Variants in NRXN3 observed in about 807,000 individuals in gnomAD.
The protein encoded by NRXN3 is neurexin III.
NRXN3 carries 32 observed loss-of-function variants against 137.6 expected under a neutral mutation model. The observed-to-expected ratio is 0.23, with a 90% CI of 0.18 to 0.31. NRXN3 has a LOEUF of 0.31. Among genes scored for constraint, NRXN3 ranks in the 10% least tolerant of loss-of-function variants. The pLI is 1.00. For synonymous variants in NRXN3, 798 were observed against 784.5 expected, an observed-to-expected ratio of 1.02 and a Z score of -0.29; for missense variants, 1,574 against 2,062.5, an observed-to-expected ratio of 0.76 and a Z score of 4.59.
chr14:79,560,410 A>C (rs952949702), intron 16 of NRXN3, among the ~76,000 whole-genome samples: 4 of 151,422 alleles, frequency 2.6e-5, no homozygotes. Flanking sequence ...ACCCCTAGGT[A>C]AGACAGCACT....
At chr14:79,384,782 G>A (rs908219400) in intron 15 of NRXN3, among the ~76,000 whole-genome samples, 11 of 152,120 alleles carry the variant, frequency 7.2e-5, no homozygotes, top group Non-Finnish European at 1.3e-4. Flanking sequence ...CTGAGCCCAT[G>A]TCCTCATCCA....
chr14:79,753,479 A>C (rs1290339186), intron 19 of NRXN3, among the ~76,000 whole-genome samples: 3 of 150,004 alleles, frequency 2.0e-5, no homozygotes, highest in South Asian at 2.1e-4. Flanking sequence ...GACAAAAAAC[A>C]AAACACCGCA....
intron 15 of NRXN3, among the ~76,000 whole-genome samples, chr14:79,198,294 A>G (rs989417422): frequency 3.3e-5 from 5 of 152,242 alleles, no homozygotes; most frequent in Non-Finnish European, 7.3e-5. Flanking sequence ...AAACATTCTG[A>G]AGTTGGCTGT....
intron 4 of NRXN3, among the ~76,000 whole-genome samples, chr14:78,558,037 C>T (rs1600438503): frequency 6.6e-6 from 1 of 152,198 alleles, no homozygotes; most frequent in East Asian, 1.9e-4. Flanking sequence ...TAAGTAACTT[C>T]CCCAAGATGA....
intron 4 of NRXN3, among the ~76,000 whole-genome samples, chr14:78,364,912 C>T (rs530583739): frequency 6.6e-6 from 1 of 152,272 alleles, no homozygotes; most frequent in Non-Finnish European, 1.5e-5. Context: ...AGAACCGATA[C>T]AAACTCATCC....
At chr14:78,843,611 T>A (rs1170335956) in intron 10 of NRXN3, among the ~76,000 whole-genome samples, 1 of 152,148 alleles carries the variant, frequency 6.6e-6, no homozygotes, top group Non-Finnish European at 1.5e-5. Flanking sequence ...AGTGTCAAAG[T>A]AGATTCAATG....
chr14:79,031,850 T>TTTG (rs1429596361), intron 15 of NRXN3, among the ~76,000 whole-genome samples: 3 of 152,152 alleles, frequency 2.0e-5, no homozygotes, highest in Non-Finnish European at 4.4e-5. Flanking sequence ...ATCTCCAGTT[T>TTTG]TTGTTGTTGT....
chr14:79,180,631 G>A lies in NRXN3; in HGVS notation c.3262+192490G>A, dbSNP rs2062825162. ...TGCATGGTGTACTTTATATAACAGAGACTTTAATGGATTTACTTGCTGAGT... is the reference window on the plus strand; with the variant it reads ...TGCATGGTGTACTTTATATAACAGAAACTTTAATGGATTTACTTGCTGAGT... On this transcript the variant is annotated intron_variant, in intron 15 of 20. Coordinates refer to ENST00000335750, the MANE Select transcript of NRXN3 (RefSeq NM_001330195.2). 2.0e-5 allele frequency among the ~76,000 whole-genome samples: 3 copies of A among 152,004 alleles called. No individual in the cohort carries two copies. The South Asian group carries it at 6.2e-4, about 31-fold the overall frequency.
At chr14:79,199,679 G>T (rs763619147) in intron 15 of NRXN3, among the ~76,000 whole-genome samples, 2 of 152,192 alleles carry the variant, frequency 1.3e-5, no homozygotes, top group African/African-American at 2.4e-5. Flanking sequence ...ACTATTCCCT[G>T]GGGTAGTCAA....
At chr14:78,364,726 A>G (rs568905328) in intron 4 of NRXN3, among the ~76,000 whole-genome samples, 12 of 152,322 alleles carry the variant, frequency 7.9e-5, no homozygotes, top group Middle Eastern at 3.4e-3. Flanking sequence ...TCTAATTTTC[A>G]TGAAACAACA....
chr14:78,412,298 C>T (rs763970550), intron 4 of NRXN3, among the ~76,000 whole-genome samples: 2 of 152,196 alleles, frequency 1.3e-5, no homozygotes, highest in Non-Finnish European at 2.9e-5. Context: ...GCAACCATAA[C>T]ATTCAACATG....
intron 4 of NRXN3, among the ~76,000 whole-genome samples, chr14:78,382,229 A>G (rs1305832019): frequency 1.3e-5 from 2 of 152,254 alleles, no homozygotes; most frequent in Admixed American, 6.5e-5. Context: ...TATACTTTGC[A>G]TACTTTGATA....
At chr14:78,176,378 GTT>G (rs35762018) in intron 1 of NRXN3, among the ~76,000 whole-genome samples, 26,388 of 139,968 alleles carry the variant, frequency 0.19, 2,589 homozygotes, top group South Asian at 0.3. Context: ...TCTCTTCCAA[GTT>G]TTTTTTTTTT....
intron 1 of NRXN3, among the ~76,000 whole-genome samples, chr14:78,227,670 C>T (rs6574426): frequency 0.42 from 63,294 of 152,052 alleles, 13,441 homozygotes; most frequent in African/African-American, 0.47. Context: ...CCGAAGCAGA[C>T]GAGGCTGAAG....
chr14:79,176,938 G>A (rs180900237), intron 15 of NRXN3, among the ~76,000 whole-genome samples: 2 of 152,320 alleles, frequency 1.3e-5, no homozygotes, highest in African/African-American at 4.8e-5. Context: ...TTGTTGGATG[G>A]ATAGATGGAT....
chr14:78,543,286 C>T (rs2096608681), intron 4 of NRXN3, among the ~76,000 whole-genome samples: 1 of 152,046 alleles, frequency 6.6e-6, no homozygotes, highest in South Asian at 2.1e-4. Context: ...GTCCATAAAC[C>T]TCCTGATATT....
intron 16 of NRXN3, among the ~76,000 whole-genome samples, chr14:79,564,601 T>G (rs1012473509): frequency 1.3e-5 from 2 of 152,180 alleles, no homozygotes; most frequent in African/African-American, 4.8e-5. Flanking sequence ...AGACAAATTG[T>G]GCATTCTTGG....
At chr14:79,016,247 C>G (rs1180111702) in intron 15 of NRXN3, among the ~76,000 whole-genome samples, 1 of 152,116 alleles carries the variant, frequency 6.6e-6, no homozygotes, top group Admixed American at 6.6e-5. Context: ...ACACCTGGGC[C>G]ATCCTTTTCT....
At chr14:79,247,559 T>G (rs139425699) in intron 15 of NRXN3, among the ~76,000 whole-genome samples, 2 of 152,210 alleles carry the variant, frequency 1.3e-5, no homozygotes, top group African/African-American at 4.8e-5. Context: ...TGGCAGAAAT[T>G]TATCACCTTA....
Sources: gnomAD v4.1 joint callset for allele counts (sites outside exome capture counted in the v4.1 genomes callset) on GRCh38, gnomAD v4.1.1 for gene constraint, MANE v1.5 for transcripts, NCBI Gene and HGNC (gene_info 2026-07-23, HGNC 2026-07-21) for gene names.